Variants in BIRC6 observed in about 807,000 individuals in gnomAD.
The protein encoded by BIRC6 is dual E2 ubiquitin-conjugating enzyme/E3 ubiquitin-protein ligase BIRC6.
In BIRC6, 98 loss-of-function variants were observed where a neutral mutation model predicts 503.3. The ratio of observed to expected loss-of-function variants is 0.19; its 90% CI spans 0.17 to 0.23. BIRC6 has a LOEUF of 0.23. Ranked by LOEUF, BIRC6 falls within the 10% of genes least tolerant of loss-of-function variation. The pLI is 1.00. For synonymous variants in BIRC6, 2,240 were observed against 2,078.7 expected (o/e 1.08, Z -2.11); for missense variants, 5,360 against 5,806.0 (o/e 0.92, Z 2.50).
At chr2:32,438,704 C>T (rs1324175416) in intron 15 of BIRC6, among the ~76,000 whole-genome samples, 5 of 151,682 alleles carry the variant, frequency 3.3e-5, no homozygotes, top group Non-Finnish European at 5.9e-5. Flanking sequence ...GGACTACAGG[C>T]GCCCGCCACC....
At chr2:32,592,989 C>A (rs1341165651) in intron 66 of BIRC6, among the ~76,000 whole-genome samples, 1 of 152,114 alleles carries the variant, frequency 6.6e-6, no homozygotes, top group African/African-American at 2.4e-5. Context: ...ATGTAATGAC[C>A]AAGTCCCTTT....
chr2:32,491,113 G>A (rs994179388), intron 43 of BIRC6, among the ~76,000 whole-genome samples: 1 of 152,178 alleles, frequency 6.6e-6, no homozygotes, highest in South Asian at 2.1e-4. Context: ...GTTTCTGGAA[G>A]GGGGAGTTAG....
At chr2:32,566,502 A>C (rs2059543145) in intron 65 of BIRC6, 1 of 152,122 alleles carries the variant, frequency 6.6e-6, no homozygotes, top group Non-Finnish European at 1.5e-5. Flanking sequence ...ACTGGCGGGC[A>C]CTACCACACC....
intron 66 of BIRC6, among the ~76,000 whole-genome samples, chr2:32,586,678 T>C (rs970197524): frequency 3.3e-5 from 5 of 152,086 alleles, no homozygotes; most frequent in African/African-American, 9.6e-5. Context: ...CTCAGCCTCC[T>C]GAAGTCCTGG....
intron 3 of BIRC6, among the ~76,000 whole-genome samples, chr2:32,386,887 C>G (rs938288066): frequency 1.3e-5 from 2 of 152,138 alleles, no homozygotes; most frequent in African/African-American, 2.4e-5. Context: ...GAGCAGAGAG[C>G]TAATCTGGGG....
rs760921022 is a variant in BIRC6, at chr2:32,512,925, C to T, written c.10347-8C>T. The T allele has an allele frequency of 1.1e-5, 18 of 1,612,254 alleles. 1 individual carries two copies. The South Asian group carries it at 1.2e-4, about 11-fold the overall frequency. On this transcript the variant is annotated splice_region_variant and splice_polypyrimidine_tract_variant and intron_variant, in intron 53 of 73. Transcript: ENST00000421745. ...GTTGGTTATATGAATTCGTTTTCTT[C>T]GTTTAAGAATTCAGGCCTTGTTAAA...
At chr2:32,484,293 C>A (rs1382565298) in intron 39 of BIRC6, among the ~76,000 whole-genome samples, 1 of 152,106 alleles carries the variant, frequency 6.6e-6, no homozygotes, top group Non-Finnish European at 1.5e-5. Flanking sequence ...GTGGTCACGC[C>A]TGTAATCCCA....
chr2:32,452,842 T>G (rs2046864230), intron 22 of BIRC6, among the ~76,000 whole-genome samples: 1 of 152,128 alleles, frequency 6.6e-6, no homozygotes, highest in Non-Finnish European at 1.5e-5. Flanking sequence ...TTCTTCTGTC[T>G]CCCAATTCTT....
At chr2:32,426,464 G>T (rs2043503334) in intron 10 of BIRC6, among the ~76,000 whole-genome samples, 2 of 152,198 alleles carry the variant, frequency 1.3e-5, no homozygotes, top group Non-Finnish European at 2.9e-5. Context: ...TTAGCCGGGT[G>T]TGGTGGTGGG....
chr2:32,405,791 A>AACTATTATGTTTGG (rs2041141784), intron 8 of BIRC6, among the ~76,000 whole-genome samples: 1 of 152,228 alleles, frequency 6.6e-6, no homozygotes, highest in African/African-American at 2.4e-5. Context: ...GCTGTCCTGA[A>AACTATTATGTTTGG]TTCAGTAATA....
rs1481360034 is a variant in BIRC6 at position 32,487,778 on chromosome 2, A to G, written c.7945A>G (p.Met2649Val). 15 of 1,612,314 alleles carry G rather than the reference A, an allele frequency of 9.3e-6. No homozygotes were observed. The highest frequency in any genetic ancestry group is 2.7e-5 in the African/African-American group (2 of 74,864). The change falls in exon 41 of 74, where the codon ATG becomes GTG. Residue 2649 changes from methionine to valine, a missense_variant. Transcript: ENST00000421745. ...TGTTTGTTTCAACAAACTTTTTTCC[A>G]TGCTTCAAGTCCATCATGTTCAGGT... is the stretch of plus-strand genomic sequence containing the variant. Reference protein sequence around the residue: ...LNVCFNKLFSMLQVHHVQLES... With the variant: ...LNVCFNKLFSVLQVHHVQLES...
intron 63 of BIRC6, among the ~76,000 whole-genome samples, chr2:32,546,387 C>G (rs1453383638): frequency 3.9e-5 from 6 of 152,200 alleles, no homozygotes; most frequent in Admixed American, 2.6e-4. Context: ...CGAGACTAGC[C>G]TGGCTAACAT....
chr2:32,607,874 A>T (rs1009238608), intron 72 of BIRC6, among the ~76,000 whole-genome samples: 3 of 146,362 alleles, frequency 2.0e-5, no homozygotes, highest in Non-Finnish European at 4.4e-5. Flanking sequence ...AATCTCAGCT[A>T]CTTGGAACGT....
chr2:32,369,433 T>C lies in BIRC6; in HGVS notation c.326-8155T>C, dbSNP rs530040489. Among the ~76,000 whole-genome samples, 75 of 151,834 alleles carry C rather than the reference T, an allele frequency of 4.9e-4. No homozygotes were observed. The South Asian group carries it at 5.0e-3, about 10-fold the overall frequency. ...TTGTGCAGCAGTAGCAATTGATTTT[T>C]TTTTTTTTTTTTGAGATGTAGTCTG... is the stretch of plus-strand genomic sequence containing the variant. On this transcript the variant is annotated intron_variant, in intron 1 of 73. Coordinates refer to ENST00000421745, the MANE Select transcript of BIRC6 (RefSeq NM_016252.4).
chr2:32,450,819 A>G (rs977003640), intron 22 of BIRC6, among the ~76,000 whole-genome samples: 2 of 152,208 alleles, frequency 1.3e-5, no homozygotes, highest in East Asian at 3.8e-4. Context: ...AATCATTTCT[A>G]CATCACTTAT....
At chr2:32,369,941 AAAAAATATATATAT>A (rs1336490565) in intron 1 of BIRC6, among the ~76,000 whole-genome samples, 5 of 46,038 alleles carry the variant, frequency 1.1e-4, no homozygotes, top group African/African-American at 6.9e-4. Flanking sequence ...AAAAAAAAAA[AAAAAATATATATAT>A]ATATATATAT....
At chr2:32,386,595 C>T (rs1456319959) in intron 3 of BIRC6, among the ~76,000 whole-genome samples, 5 of 152,024 alleles carry the variant, frequency 3.3e-5, no homozygotes, top group Non-Finnish European at 1.5e-5. Context: ...CAAGTGCATG[C>T]CATCACGCCT....
chr2:32,449,952 C>T lies in BIRC6; in HGVS notation c.4618+1024C>T, dbSNP rs1045762654. Among the ~76,000 whole-genome samples, 12 of 152,334 alleles carry T rather than the reference C, an allele frequency of 7.9e-5. No individual in the cohort carries two copies. The South Asian group carries it at 2.1e-3, about 26-fold the overall frequency. On this transcript the variant is annotated intron_variant, in intron 22 of 73. Coordinates refer to ENST00000421745, the MANE Select transcript of BIRC6 (RefSeq NM_016252.4). ...TCTTGATTGCCTTACACGCATCTCA[C>T]CATTTTCTGTCTTCTCTATCCAAGT...
intron 1 of BIRC6, 98 bp from the exon 2 acceptor site, chr2:32,377,490 C>T (rs941993421): frequency 1.1e-6 from 1 of 928,516 alleles, no homozygotes; most frequent in Non-Finnish European, 1.5e-6. Context: ...AGATCCAATT[C>T]AGGATAATAT....
Sources: gnomAD v4.1 joint callset for allele counts (sites outside exome capture counted in the v4.1 genomes callset) on GRCh38, gnomAD v4.1.1 for gene constraint, MANE v1.5 for transcripts, NCBI Gene and HGNC (gene_info 2026-07-23, HGNC 2026-07-21) for gene names.